APH1B: variants seen among roughly 807,000 people sequenced by gnomAD.
APH1B encodes the protein aph-1B gamma-secretase subunit, also known as gamma-secretase subunit APH-1B.
APH1B carries 27 observed loss-of-function variants against 28.2 expected under a neutral mutation model. The ratio of observed to expected loss-of-function variants is 0.96; its 90% CI spans 0.70 to 1.32. APH1B has a LOEUF of 1.32. Ranked by LOEUF, APH1B falls within the 40% of genes most tolerant of loss-of-function variation. The pLI is 0.00. For missense variants in APH1B, 305 were observed against 313.6 expected (o/e 0.97, Z 0.21); for synonymous variants, 141 against 124.6 (o/e 1.13, Z -0.88).
chr15:63,292,780 A>T (rs558768710), intron 4 of APH1B, among the ~76,000 whole-genome samples: 1 of 152,270 alleles, frequency 6.6e-6, no homozygotes, highest in Non-Finnish European at 1.5e-5. Context: ...ATGCACTTTC[A>T]TTAAATGGAT....
intron 4 of APH1B, among the ~76,000 whole-genome samples, chr15:63,296,155 G>T (rs967742866): frequency 5.9e-5 from 9 of 152,190 alleles, no homozygotes; most frequent in African/African-American, 2.2e-4. Context: ...CAGCTCTGGG[G>T]CCCGACTCCC....
chr15:63,305,477 G>A (rs982880753), intron 5 of APH1B, 137 bp from the exon 6 acceptor site: 11 of 969,728 alleles, frequency 1.1e-5, no homozygotes, highest in Middle Eastern at 3.3e-4. Context: ...GGGCCTTAAC[G>A]CATGACACAC....
At chr15:63,278,267 C>T (rs2038347699) in intron 1 of APH1B, 1 of 454,172 alleles carries the variant, frequency 2.2e-6, no homozygotes, top group Admixed American at 2.4e-5. Flanking sequence ...ATTTAAGCTC[C>T]TTTTGGATGG....
intron 4 of APH1B, among the ~76,000 whole-genome samples, chr15:63,299,129 G>T (rs2038597929): frequency 6.6e-6 from 1 of 152,214 alleles, no homozygotes; most frequent in South Asian, 2.1e-4. Flanking sequence ...ATAGGATGCA[G>T]TTGAAGATAG....
rs188219913 is a variant in APH1B, at chr15:63,289,065, A to G, written c.478+1519A>G. 2.2e-3 allele frequency among the ~76,000 whole-genome samples: 337 copies of G among 152,284 alleles called. 3 individuals carry two copies. The highest frequency in any genetic ancestry group is 7.8e-3 in the African/African-American group (326 of 41,570). On this transcript the variant is annotated intron_variant, in intron 4 of 5. Coordinates refer to ENST00000261879, the MANE Select transcript of APH1B (RefSeq NM_031301.4). Reference sequence around the variant, plus strand: ...GTAGTAAAAGAAAAATTTGATACCAATTTGGGGATTGTATTTGTAATTTCT... The same window carrying G: ...GTAGTAAAAGAAAAATTTGATACCAGTTTGGGGATTGTATTTGTAATTTCT...
chr15:63,287,004 A>T (rs2038453693), intron 3 of APH1B, among the ~76,000 whole-genome samples: 1 of 152,192 alleles, frequency 6.6e-6, no homozygotes, highest in Non-Finnish European at 1.5e-5. Context: ...TTTGAGAATT[A>T]TGTTTAAGAT....
chr15:63,305,033 G>A (rs2038672158), intron 5 of APH1B, among the ~76,000 whole-genome samples: 1 of 152,162 alleles, frequency 6.6e-6, no homozygotes, highest in Admixed American at 6.5e-5. Flanking sequence ...TGCTGTCCTA[G>A]CATTCATCAC....
intron 4 of APH1B, among the ~76,000 whole-genome samples, chr15:63,299,038 G>T (rs2038596904): frequency 6.6e-6 from 1 of 152,136 alleles, no homozygotes; most frequent in Non-Finnish European, 1.5e-5. Flanking sequence ...AGAGTCTTCA[G>T]ACAAAAGGGA....
intron 1 of APH1B, chr15:63,278,427 C>G (rs1039857064): frequency 4.5e-6 from 2 of 449,288 alleles, no homozygotes; most frequent in African/African-American, 4.0e-5. Context: ...ATCCCCCCTC[C>G]TCTGATGAGT....
chr15:63,282,275 A>G (rs554441535), intron 2 of APH1B, among the ~76,000 whole-genome samples: 1 of 152,326 alleles, frequency 6.6e-6, no homozygotes, highest in East Asian at 1.9e-4. Flanking sequence ...TTAAAGTGCT[A>G]CCTCAGACTT....
chr15:63,302,032 C>T (rs12910654), intron 4 of APH1B, among the ~76,000 whole-genome samples: 23,061 of 152,216 alleles, frequency 0.15, 2,110 homozygotes, highest in East Asian at 0.45. Flanking sequence ...TTTACTCGTG[C>T]AGAAGGCTCA....
chr15:63,294,646 A>T (rs777419764), intron 4 of APH1B, among the ~76,000 whole-genome samples: 7 of 152,234 alleles, frequency 4.6e-5, no homozygotes, highest in Non-Finnish European at 8.8e-5. Flanking sequence ...ACTTATTTGC[A>T]TAAATGTTTG....
rs751241352 is a variant in APH1B, at chr15:63,287,417, T to C, written c.356-7T>C. The C allele has an allele frequency of 1.2e-6, 2 of 1,613,302 alleles. No individual in the cohort carries two copies. Among genetic ancestry groups the C allele is most frequent in the South Asian group, 1.1e-5 (1 of 90,948 alleles). ...AAAGAGTTAACAGTGTTTTTCTTCC[T>C]GTTTAGTTTCTGGCTTGGGCTTTGG... On this transcript the variant is annotated splice_region_variant and splice_polypyrimidine_tract_variant and intron_variant, in intron 3 of 5. Transcript: ENST00000261879.
chr15:63,278,491 C>T, intron 1 of APH1B: 2 of 377,080 alleles, frequency 5.3e-6, no homozygotes, highest in South Asian at 3.8e-5. Context: ...GTTTCTTCAC[C>T]TCCCACAAAC....
intron 4 of APH1B, among the ~76,000 whole-genome samples, chr15:63,295,566 C>T (rs895799758): frequency 6.6e-6 from 1 of 152,222 alleles, no homozygotes; most frequent in African/African-American, 2.4e-5. Flanking sequence ...GTTTCTCAAC[C>T]TCACCACTAT....
intron 4 of APH1B, among the ~76,000 whole-genome samples, chr15:63,298,618 T>C (rs1164302975): frequency 6.6e-6 from 1 of 152,216 alleles, no homozygotes; most frequent in Non-Finnish European, 1.5e-5. Context: ...CACTGAGAAC[T>C]CTGGCTTATT....
Position 63,305,973 on chromosome 15 carries a change from C to A in APH1B, c.*192C>A. The A allele has an allele frequency of 1.5e-6, 1 of 672,130 alleles. No homozygotes were observed. The highest frequency in any genetic ancestry group is 2.4e-6 in the Non-Finnish European group (1 of 420,890). The allele number at this position is 672,130 out of a possible 1,614,324, so 41.6% of individuals were successfully genotyped here. A position where few individuals can be genotyped will look rare whatever the true frequency, so the allele number is the denominator to read the frequency against. Reference sequence around the variant, plus strand: ...TGCTCAGTGGTGTGCGTCCTGGCTGCACGAGAATCACCTGGGACAGTGTAA... The same window carrying A: ...TGCTCAGTGGTGTGCGTCCTGGCTGAACGAGAATCACCTGGGACAGTGTAA... On this transcript the variant is annotated 3_prime_UTR_variant, in exon 6 of 6. Transcript: ENST00000261879.
chr15:63,301,336 T>A (rs2038624974), intron 4 of APH1B, among the ~76,000 whole-genome samples: 1 of 152,226 alleles, frequency 6.6e-6, no homozygotes, highest in African/African-American at 2.4e-5. Flanking sequence ...CTGGTGGGTG[T>A]TAATGATTTC....
chr15:63,280,172 G>T (rs1028641616), intron 2 of APH1B, among the ~76,000 whole-genome samples: 3 of 152,148 alleles, frequency 2.0e-5, no homozygotes, highest in Non-Finnish European at 4.4e-5. Flanking sequence ...AGTTCCTTTT[G>T]TGGTATTTCC....
Sources: allele counts gnomAD v4.1 joint callset (sites outside exome capture counted in the v4.1 genomes callset), GRCh38; gene constraint gnomAD v4.1.1; transcripts MANE v1.5; gene names NCBI Gene and HGNC (gene_info 2026-07-23, HGNC 2026-07-21).